Variants in MANBA observed in about 807,000 individuals in gnomAD.
The protein encoded by MANBA is beta-mannosidase.
MANBA carries 83 observed loss-of-function variants against 111.1 expected under a neutral mutation model. That is an observed-to-expected ratio of 0.75 (90% CI 0.63 to 0.90). MANBA has a LOEUF of 0.90. Ranked by LOEUF, MANBA falls within the 40% of genes least tolerant of loss-of-function variation. The pLI is 0.00. For missense variants in MANBA, 1,036 were observed against 1,069.0 expected (o/e 0.97, Z 0.43); for synonymous variants, 370 against 378.7 (o/e 0.98, Z 0.27).
chr4:102,704,004 A>G (rs1733182361), intron 5 of MANBA, among the ~76,000 whole-genome samples: 1 of 152,096 alleles, frequency 6.6e-6, no homozygotes, highest in Non-Finnish European at 1.5e-5. Flanking sequence ...CTAAGGCAGG[A>G]GAATCACTTG....
chr4:102,672,094 A>T, intron 8 of MANBA: 1 of 398,660 alleles, frequency 2.5e-6, no homozygotes, highest in Non-Finnish European at 4.4e-6. Flanking sequence ...AAAAAGATAG[A>T]GCCAATTATC....
intron 1 of MANBA, among the ~76,000 whole-genome samples, chr4:102,739,404 A>G (rs895669050): frequency 1.3e-5 from 2 of 152,222 alleles, no homozygotes; most frequent in Non-Finnish European, 2.9e-5. Flanking sequence ...AATCCTACTG[A>G]AAATACTCCA....
chr4:102,631,800 G>A lies in MANBA; in HGVS notation c.*257C>T. 1 of 602,708 alleles carries A rather than the reference G, an allele frequency of 1.7e-6. No individual in the cohort carries two copies. The allele number at this position is 602,708 out of a possible 1,614,324, so 37.3% of individuals were successfully genotyped here. On this transcript the variant is annotated 3_prime_UTR_variant, in exon 17 of 17. Coordinates refer to ENST00000647097, the MANE Select transcript of MANBA (RefSeq NM_005908.4). ...GTTCATGTCCTGCTAAAGCTGAGAG[G>A]TGAAGGGCTAAAAACACAGTCCTGG...
chr4:102,733,356 T>C (rs1214910783), intron 1 of MANBA, among the ~76,000 whole-genome samples: 1 of 151,592 alleles, frequency 6.6e-6, no homozygotes, highest in Non-Finnish European at 1.5e-5. Context: ...TGCATTTTTT[T>C]TTTTTTTTTT....
At chr4:102,644,875 T>C (rs1299166352) in intron 13 of MANBA, among the ~76,000 whole-genome samples, 3 of 152,012 alleles carry the variant, frequency 2.0e-5, no homozygotes, top group Non-Finnish European at 4.4e-5. Flanking sequence ...ACCACAAATA[T>C]ATATTTTTAA....
At chr4:102,696,103 G>C (rs1411463101) in intron 5 of MANBA, among the ~76,000 whole-genome samples, 2 of 152,046 alleles carry the variant, frequency 1.3e-5, no homozygotes, top group Non-Finnish European at 2.9e-5. Flanking sequence ...TGGCACGCCT[G>C]TGGTCCCAGC....
chr4:102,734,167 G>A (rs1393465509), intron 1 of MANBA, among the ~76,000 whole-genome samples: 1 of 152,202 alleles, frequency 6.6e-6, no homozygotes. Flanking sequence ...ACTCTGGTGG[G>A]GAATGTTGAA....
At chr4:102,652,014 T>C (rs1196354067) in intron 12 of MANBA, among the ~76,000 whole-genome samples, 1 of 152,214 alleles carries the variant, frequency 6.6e-6, no homozygotes, top group Non-Finnish European at 1.5e-5. Context: ...ATGTTATAAT[T>C]TGATACATGT....
chr4:102,680,369 G>A (rs1350742181), intron 7 of MANBA, among the ~76,000 whole-genome samples: 1 of 152,058 alleles, frequency 6.6e-6, no homozygotes. Context: ...AGAGAAAACC[G>A]CACACAGCAG....
intron 7 of MANBA, among the ~76,000 whole-genome samples, chr4:102,680,974 C>T (rs1731952705): frequency 6.6e-6 from 1 of 152,204 alleles, no homozygotes; most frequent in Non-Finnish European, 1.5e-5. Flanking sequence ...CCAATTCACA[C>T]ATTTGATCTC....
intron 1 of MANBA, among the ~76,000 whole-genome samples, chr4:102,749,598 G>T (rs1188534618): frequency 6.6e-6 from 1 of 152,178 alleles, no homozygotes; most frequent in African/African-American, 2.4e-5. Context: ...GCGTGCAATG[G>T]TGAAAAGAAC....
At chr4:102,729,635 A>T in intron 1 of MANBA, 1 of 1,160,862 alleles carries the variant, frequency 8.6e-7, no homozygotes, top group East Asian at 2.3e-5. Context: ...TCTCATCCTC[A>T]TACTTGTTCT....
At chr4:102,667,870 G>A (rs978962842) in intron 10 of MANBA, 1 of 152,078 alleles carries the variant, frequency 6.6e-6, no homozygotes, top group African/African-American at 2.4e-5. Flanking sequence ...ATGTTGCAGA[G>A]CACTATAAAA....
intron 10 of MANBA, 93 bp downstream of exon 10, chr4:102,668,869 AG>A (rs1731350236): frequency 1.0e-6 from 1 of 984,984 alleles, no homozygotes; most frequent in African/African-American, 1.6e-5. Context: ...GGGATTTAGT[AG>A]AGAACAAAAA....
intron 7 of MANBA, among the ~76,000 whole-genome samples, chr4:102,689,357 A>T (rs1230384916): frequency 1.9e-4 from 21 of 108,314 alleles, no homozygotes; most frequent in African/African-American, 5.5e-4. Flanking sequence ...TCAAAAAAAA[A>T]AAATATATAT....
At chr4:102,753,104 G>A (rs1454296765) in intron 1 of MANBA, among the ~76,000 whole-genome samples, 4 of 151,710 alleles carry the variant, frequency 2.6e-5, no homozygotes, top group East Asian at 1.9e-4. Context: ...TTTATAATGG[G>A]GTGTATGAAG....
chr4:102,657,496 C>T (rs896780978), intron 12 of MANBA, among the ~76,000 whole-genome samples, 186 bp downstream of exon 12: 18 of 152,122 alleles, frequency 1.2e-4, no homozygotes, highest in African/African-American at 4.3e-4. Flanking sequence ...CCTGAAGGAA[C>T]ACAGTAAAAG....
chr4:102,714,442 T>C lies in MANBA; in HGVS notation c.669A>G (p.Ile223Met). The C allele has an allele frequency of 6.2e-7, 1 of 1,604,418 alleles. No homozygotes were observed. The highest frequency in any genetic ancestry group is 1.3e-5 in the African/African-American group (1 of 74,738). ...CHLNYFTFSP[I>M]YDKSAQEWNL... ...AAATCACATCTTTCAGCTTACCATA[T>C]ATTGGGGAAAATGTGAAGTAGTTCA... Residue 223 changes from isoleucine (I) to methionine (M), a missense_variant, in exon 5 of 17, where the codon ATA (isoleucine) becomes ATG (methionine). By Grantham distance (10) the Ile-to-Met change is conservative. Transcript: ENST00000647097.
At chr4:102,639,908 C>T (rs1336865098) in intron 13 of MANBA, 51 bp from the exon 14 acceptor site, 6 of 1,598,254 alleles carry the variant, frequency 3.8e-6, no homozygotes, top group Admixed American at 3.3e-5. Flanking sequence ...ATGTAGACTG[C>T]CTAGATCTGA....
Sources: allele counts gnomAD v4.1 joint callset (sites outside exome capture counted in the v4.1 genomes callset), GRCh38; gene constraint gnomAD v4.1.1; transcripts MANE v1.5; gene names NCBI Gene and HGNC (gene_info 2026-07-23, HGNC 2026-07-21).